DMAC2L: variants seen among roughly 807,000 people sequenced by gnomAD.
The protein encoded by DMAC2L is ATP synthase subunit s, mitochondrial.
A neutral mutation model predicts 22.5 loss-of-function variants in DMAC2L; 21 were observed. The observed-to-expected ratio is 0.93, with a 90% CI of 0.66 to 1.34. DMAC2L has a LOEUF of 1.34. DMAC2L is among the 40% of genes most tolerant of loss of function. The pLI is 0.00. For synonymous variants in DMAC2L, 86 were observed against 89.5 expected (o/e 0.96, Z 0.22); for missense variants, 239 against 246.5 (o/e 0.97, Z 0.20).
chr14:50,315,254 C>T (rs941604951), intron 2 of DMAC2L, among the ~76,000 whole-genome samples: 18 of 152,042 alleles, frequency 1.2e-4, no homozygotes, highest in Admixed American at 9.2e-4. Flanking sequence ...GCATGAGCCA[C>T]TGCGCCCAGC....
At position 50,327,052 on chromosome 14, in the gene DMAC2L, A is replaced by C. The variant is rs1217994279; in HGVS notation, c.*1329A>C. On this transcript the variant is annotated 3_prime_UTR_variant, in exon 6 of 6. Coordinates refer to ENST00000557421, the MANE Select transcript of DMAC2L (RefSeq NM_001382507.1). Reference sequence around the variant, plus strand: ...GTGAAAGGGGGAGACCCTGTCTCTTAAAAAAAAGGGCTGGCCTGTAATCCC... The same window carrying C: ...GTGAAAGGGGGAGACCCTGTCTCTTCAAAAAAAGGGCTGGCCTGTAATCCC... 1.3e-5 allele frequency: 2 copies of C among 151,664 alleles called. No individual in the cohort carries two copies. The highest frequency in any genetic ancestry group is 6.6e-5 in the Admixed American group (1 of 15,206). 9.4% of individuals were successfully genotyped at this position (151,664 alleles called of 1,614,324 possible). A position where few individuals can be genotyped will look rare whatever the true frequency, so the allele number is the denominator to read the frequency against.
Position 50,312,406 on chromosome 14 carries a change from G to C in DMAC2L, c.-42+17G>C. 1.8e-6 allele frequency: 1 copy of C among 565,254 alleles called. No homozygotes were observed. The highest frequency in any genetic ancestry group is 3.2e-6 in the Non-Finnish European group (1 of 317,200). 35.0% of individuals were successfully genotyped at this position (565,254 alleles called of 1,614,324 possible). A position where few individuals can be genotyped will look rare whatever the true frequency, so the allele number is the denominator to read the frequency against. ...TCCGACGCTGTGAGTAGAGAAGCTA[G>C]GCCCCGAGCCGGGCGGGACTAGGGT... On this transcript the variant is annotated intron_variant, in intron 1 of 5. Coordinates refer to ENST00000557421, the MANE Select transcript of DMAC2L (RefSeq NM_001382507.1).
At chr14:50,317,642 C>T (rs757254987) in intron 2 of DMAC2L, among the ~76,000 whole-genome samples, 10 of 151,938 alleles carry the variant, frequency 6.6e-5, no homozygotes, top group Non-Finnish European at 1.3e-4. Context: ...TGGTGGTGGG[C>T]GCCTGTAATC....
At chr14:50,313,847 A>G (rs1018270132) in intron 1 of DMAC2L, among the ~76,000 whole-genome samples, 4 of 152,226 alleles carry the variant, frequency 2.6e-5, no homozygotes, top group African/African-American at 9.6e-5. Flanking sequence ...GTCCATCACC[A>G]CAAGGGTCCC....
In DMAC2L at chr14:50,326,218, G is replaced by A. The variant is rs1460846213; in HGVS notation, c.*495G>A. On this transcript the variant is annotated 3_prime_UTR_variant, in exon 6 of 6. Transcript: ENST00000557421. ...CACTCCAGCCTGGGTGACAGAGCGA[G>A]ACTGTCTCAAAAAAAAAAAAAAAAG... 9 of 300,762 alleles carry A rather than the reference G, an allele frequency of 3.0e-5. No individual in the cohort carries two copies. In the South Asian group the frequency reaches 1.1e-3, roughly 37 times the overall value. 18.6% of individuals were successfully genotyped at this position (300,762 alleles called of 1,614,324 possible).
Position 50,326,685 on chromosome 14 carries a change from T to G in DMAC2L, c.*962T>G. The G allele has an allele frequency of 3.0e-6, 3 of 985,422 alleles. No individual in the cohort carries two copies. Among genetic ancestry groups the G allele is most frequent in the Non-Finnish European group, 2.4e-6 (2 of 829,908 alleles). The allele number at this position is 985,422 out of a possible 1,614,324, so 61.0% of individuals were successfully genotyped here. ...GCTGAATACAAATAGTTTTGCAGAT[T>G]GCAATATAATAAAGGAAACAGTAAA... On this transcript the variant is annotated 3_prime_UTR_variant, in exon 6 of 6. Transcript: ENST00000557421.
upstream of DMAC2L, chr14:50,312,181 C>A: frequency 6.2e-7 from 1 of 1,606,430 alleles, no homozygotes. Context: ...CCTCAGCGCT[C>A]AGAAGAAGCC....
rs935371315 is a variant in DMAC2L at position 50,326,930 on chromosome 14, A to G, written c.*1207A>G. On this transcript the variant is annotated 3_prime_UTR_variant, in exon 6 of 6. Transcript: ENST00000557421. ...GTGGTGCATACCTGTAATCTCAGAT[A>G]CTTGGGAGGTTGAGGTGGTAGGATT... 7.3e-5 allele frequency: 13 copies of G among 178,356 alleles called. No individual in the cohort carries two copies. Among genetic ancestry groups the G allele is most frequent in the African/African-American group, 2.9e-4 (12 of 41,876 alleles). 11.0% of individuals were successfully genotyped at this position (178,356 alleles called of 1,614,324 possible). A position where few individuals can be genotyped will look rare whatever the true frequency, so the allele number is the denominator to read the frequency against.
intron 3 of DMAC2L, among the ~76,000 whole-genome samples, 170 bp from the exon 4 acceptor site, chr14:50,322,340 GT>G (rs1315132920): frequency 1.7e-5 from 2 of 116,656 alleles, no homozygotes; most frequent in Admixed American, 8.7e-5. Flanking sequence ...TAGACTGCAG[GT>G]TTTTTTGTTT....
At chr14:50,316,388 G>A (rs1436813712) in intron 2 of DMAC2L, among the ~76,000 whole-genome samples, 5 of 152,154 alleles carry the variant, frequency 3.3e-5, no homozygotes, top group East Asian at 3.9e-4. Context: ...CTTTTGCCAC[G>A]CAAAAGCTCT....
In DMAC2L at chr14:50,321,598, A is replaced by T. The variant is rs1377390520; in HGVS notation, c.107+4A>T. The T allele has an allele frequency of 6.3e-7, 1 of 1,597,104 alleles. No homozygotes were observed. Among genetic ancestry groups the T allele is most frequent in the Non-Finnish European group, 8.6e-7 (1 of 1,164,904 alleles). ...GGTTGAATGCAGTGTTTAATAAGTA[A>T]GTTACTCTAAATAAAGTGAAGAAAT... On this transcript the variant is annotated splice_donor_region_variant and intron_variant, in intron 3 of 5. Transcript: ENST00000557421.
rs1376008404 is a variant in DMAC2L at position 50,327,500 on chromosome 14, C to G, written c.*1777C>G. 3 of 117,296 alleles carry G rather than the reference C, an allele frequency of 2.6e-5. No homozygotes were observed. Among genetic ancestry groups the G allele is most frequent in the Non-Finnish European group, 4.9e-5 (3 of 61,296 alleles). The allele number at this position is 117,296 out of a possible 1,614,324, so 7.3% of individuals were successfully genotyped here. On this transcript the variant is annotated 3_prime_UTR_variant, in exon 6 of 6. Transcript: ENST00000557421. ...TTTTTTTTTGAGACAGACTCTCACTCTGTTGCCCAGGTTGGAGTGCAGTGG... is the reference window on the plus strand; with the variant it reads ...TTTTTTTTTGAGACAGACTCTCACTGTGTTGCCCAGGTTGGAGTGCAGTGG...
In DMAC2L at chr14:50,325,712, C is replaced by A. The variant is rs1380611453; in HGVS notation, c.592C>A (p.Gln198Lys). Residue 198 changes from glutamine to lysine, a missense_variant, in exon 6 of 6, where the codon CAA (glutamine) becomes AAA (lysine). Transcript: ENST00000557421. The part of the protein sequence containing the change: ...TALPSLELKL[Q>K]LK ...ACTGCCTTCTCTGGAACTAAAATTACAATTGAAGTAAAATAATGTGTCTTA... is the reference window on the plus strand; with the variant it reads ...ACTGCCTTCTCTGGAACTAAAATTAAAATTGAAGTAAAATAATGTGTCTTA... The A allele has an allele frequency of 6.2e-7, 1 of 1,609,288 alleles. No homozygotes were observed. Among genetic ancestry groups the A allele is most frequent in the African/African-American group, 1.3e-5 (1 of 74,696 alleles).
At chr14:50,323,037 T>G (rs2032411629) in intron 4 of DMAC2L, 3 of 1,245,070 alleles carry the variant, frequency 2.4e-6, no homozygotes, top group Non-Finnish European at 3.0e-6. Flanking sequence ...AATGCAGGAA[T>G]AATTATATCC....
chr14:50,317,804 G>A (rs1419529364), intron 2 of DMAC2L, among the ~76,000 whole-genome samples: 2 of 151,770 alleles, frequency 1.3e-5, no homozygotes, highest in Non-Finnish European at 2.9e-5. Flanking sequence ...GGTGGTGAGA[G>A]TCGGCATCCT....
intron 1 of DMAC2L, among the ~76,000 whole-genome samples, chr14:50,313,697 G>T (rs1374035493): frequency 6.6e-6 from 1 of 152,258 alleles, no homozygotes; most frequent in East Asian, 1.9e-4. Flanking sequence ...ATCACAACCA[G>T]GTAATTGACA....
intron 1 of DMAC2L, chr14:50,312,633 C>CT: frequency 3.5e-6 from 1 of 285,704 alleles, no homozygotes; most frequent in Non-Finnish European, 6.6e-6. Context: ...CGCCCCCGCC[C>CT]CGCCCCCGCT....
Position 50,324,094 on chromosome 14 carries a change from A to G in DMAC2L, c.466A>G (p.Ile156Val), listed in dbSNP as rs373840762. ...CTGTGGGAATATCACAGACAAAGGC[A>G]TCATTGCTTTGCGTCATTTAAGGTA... ...ISCGNITDKGIIALRHLRNLK... is the reference protein window; with the variant it reads ...ISCGNITDKGVIALRHLRNLK... The change falls in exon 5 of 6, where the codon ATC becomes GTC. Residue 156 changes from isoleucine to valine, a missense_variant. By Grantham distance (29) the Ile-to-Val change is conservative (BLOSUM62 3). Transcript: ENST00000557421. The G allele has an allele frequency of 5.6e-6, 9 of 1,612,444 alleles. No individual in the cohort carries two copies. The highest frequency in any genetic ancestry group is 6.8e-6 in the Non-Finnish European group (8 of 1,179,430).
intron 2 of DMAC2L, among the ~76,000 whole-genome samples, chr14:50,315,662 C>CAAAAAAAA (rs142527130): frequency 6.1e-5 from 5 of 81,558 alleles, no homozygotes; most frequent in African/African-American, 2.4e-4. Context: ...TTCTGTTTCA[C>CAAAAAAAA]AAAAAAAAAA....
Sources: allele counts gnomAD v4.1 joint callset (sites outside exome capture counted in the v4.1 genomes callset), GRCh38; gene constraint gnomAD v4.1.1; transcripts MANE v1.5; gene names NCBI Gene and HGNC (gene_info 2026-07-23, HGNC 2026-07-21).